MROH2A: variants seen among roughly 807,000 people sequenced by gnomAD.
The protein encoded by MROH2A is maestro heat like repeat family member 2A, also known as maestro heat-like repeat-containing protein family member 2A.
A neutral mutation model predicts 200.4 loss-of-function variants in MROH2A; 174 were observed. The observed-to-expected ratio is 0.87, with a 90% CI of 0.77 to 0.98. The LOEUF (loss-of-function observed/expected upper bound fraction) is 0.98. MROH2A is among the 50% of genes least tolerant of loss of function. The pLI is 0.00. For synonymous variants in MROH2A, 829 were observed against 840.4 expected, an observed-to-expected ratio of 0.99 and a Z score of 0.23; for missense variants, 2,045 against 2,139.6, an observed-to-expected ratio of 0.96 and a Z score of 0.87.
chr2:233,785,658 G>T (rs148157131), intron 3 of MROH2A, among the ~76,000 whole-genome samples: 27 of 152,100 alleles, frequency 1.8e-4, no homozygotes, highest in African/African-American at 6.5e-4. Flanking sequence ...GGGTAAGAAG[G>T]CTTAGAATTA....
chr2:233,786,167 C>T (rs946597930), intron 3 of MROH2A, among the ~76,000 whole-genome samples: 2 of 152,130 alleles, frequency 1.3e-5, no homozygotes, highest in Non-Finnish European at 2.9e-5. Flanking sequence ...ACTGTGTTCC[C>T]CCTTTGTCTC....
At chr2:233,798,996 G>T in intron 12 of MROH2A, 146 bp downstream of exon 12, 1 of 663,312 alleles carries the variant, frequency 1.5e-6, no homozygotes, top group Non-Finnish European at 2.7e-6. Context: ...GAATGGTGAG[G>T]CCAGTGAAAG....
chr2:233,822,693 G>A (rs28946900), intron 33 of MROH2A, 137 bp downstream of exon 33: 15 of 1,135,754 alleles, frequency 1.3e-5, no homozygotes, highest in African/African-American at 6.2e-5. Flanking sequence ...TCAAAATGCC[G>A]TTCTCATGTG....
chr2:233,800,036 T>C (rs1246667823), intron 13 of MROH2A, 137 bp downstream of exon 13: 1 of 1,265,730 alleles, frequency 7.9e-7, no homozygotes, highest in Non-Finnish European at 1.1e-6. Context: ...ATAGACACAG[T>C]GAACCTGCAG....
At chr2:233,822,613 G>A in intron 33 of MROH2A, 57 bp downstream of exon 33, 1 of 1,512,660 alleles carries the variant, frequency 6.6e-7, no homozygotes, top group South Asian at 1.2e-5. Flanking sequence ...GTAGCCACGG[G>A]CTGCCCCTTA....
rs191170442 is a variant in MROH2A, at chr2:233,799,151, T to C, written c.1329+301T>C. On this transcript the variant is annotated intron_variant, in intron 12 of 41. Coordinates refer to ENST00000389758, the MANE Select transcript of MROH2A (RefSeq NM_001394639.1). ...CTTGGCTGTCAAGGGTTTTGTGAGG[T>C]CTTTATCGCATGTGAAAAAAGCAAC... Among the ~76,000 whole-genome samples the C allele has an allele frequency of 2.1e-3, 326 of 152,150 alleles. 2 individuals carry two copies. Among genetic ancestry groups the C allele is most frequent in the Middle Eastern group, 6.8e-3 (2 of 294 alleles).
intron 35 of MROH2A, among the ~76,000 whole-genome samples, chr2:233,825,247 T>C (rs559292392): frequency 1.3e-5 from 2 of 152,330 alleles, no homozygotes; most frequent in Admixed American, 6.5e-5. Context: ...TTTCTAGATA[T>C]AGGATCATGT....
chr2:233,779,711 C>T lies in MROH2A; in HGVS notation c.135C>T (p.Asp45=). The change falls in exon 3 of 42, where the codon GAC becomes GAT. Residue 45 remains aspartate, a synonymous_variant. Coordinates refer to ENST00000389758, the MANE Select transcript of MROH2A (RefSeq NM_001394639.1). ...TCGTGAACCTTCTGGACATCATTGACAGCGAGTCAGCAAAGACGGACACAA... is the reference window on the plus strand; with the variant it reads ...TCGTGAACCTTCTGGACATCATTGATAGCGAGTCAGCAAAGACGGACACAA... ...QQVVNLLDII[D]SESAKTDTTG... 6.4e-7 allele frequency: 1 copy of T among 1,551,204 alleles called. No homozygotes were observed. The highest frequency in any genetic ancestry group is 1.2e-5 in the South Asian group (1 of 84,062).
intron 38 of MROH2A, 29 bp from the exon 39 acceptor site, chr2:233,831,380 G>A: frequency 1.3e-6 from 2 of 1,529,060 alleles, no homozygotes; most frequent in Non-Finnish European, 1.8e-6. Flanking sequence ...CCTGGCTGAT[G>A]GCTCTGCTGC....
intron 14 of MROH2A, among the ~76,000 whole-genome samples, 197 bp from the exon 15 acceptor site, chr2:233,801,971 C>T (rs1702501371): frequency 6.6e-6 from 1 of 152,184 alleles, no homozygotes; most frequent in African/African-American, 2.4e-5. Context: ...TCTCTTGCCA[C>T]ATCAGGGTGG....
At chr2:233,780,374 C>T (rs963860741) in intron 3 of MROH2A, among the ~76,000 whole-genome samples, 1 of 152,190 alleles carries the variant, frequency 6.6e-6, no homozygotes, top group Non-Finnish European at 1.5e-5. Context: ...GTTTCTGATT[C>T]AGTAAGTCTG....
At chr2:233,800,824 A>C (rs976057829) in intron 14 of MROH2A, among the ~76,000 whole-genome samples, 1 of 149,708 alleles carries the variant, frequency 6.7e-6, no homozygotes, top group Non-Finnish European at 1.5e-5. Context: ...TCAACTTTTA[A>C]TTGCAACAAA....
chr2:233,799,920 G>T, intron 13 of MROH2A, 21 bp downstream of exon 13: 1 of 1,550,354 alleles, frequency 6.5e-7, no homozygotes, highest in South Asian at 1.2e-5. Flanking sequence ...CTGATACGCA[G>T]ACCGCAGAGC....
chr2:233,780,855 T>C (rs1353334282), intron 3 of MROH2A, among the ~76,000 whole-genome samples: 1 of 152,182 alleles, frequency 6.6e-6, no homozygotes, highest in Non-Finnish European at 1.5e-5. Context: ...GCTGTAATTT[T>C]GTATCTTTTA....
chr2:233,823,659 G>T lies in MROH2A; in HGVS notation c.4108G>T (p.Val1370Phe), dbSNP rs1445467594. ...GAGCTGCCGCATCAGCAGCACAGCG[G>T]TCTGCGTGGAAATGAGGCACCGGGT... ...VLSCRISSTA[V>F]CFMSGPVLYQ... The change falls in exon 35 of 42, where the codon GTC (valine) becomes TTC (phenylalanine). Residue 1370 changes from valine (V) to phenylalanine (F), a missense_variant. Physicochemically the swap from Val to Phe is conservative, Grantham distance 50. Around this residue, in one of 3 missense-constraint regions of MROH2A, gnomAD observed 1,201 missense variants for 1,311.3 expected, o/e 0.92. Coordinates refer to ENST00000389758, the MANE Select transcript of MROH2A (RefSeq NM_001394639.1). 3 of 1,550,334 alleles carry T rather than the reference G, an allele frequency of 1.9e-6. No individual in the cohort carries two copies.
upstream of MROH2A, among the ~76,000 whole-genome samples, chr2:233,777,318 G>A (rs9784064): frequency 0.073 from 11,131 of 152,174 alleles, 1,106 homozygotes; most frequent in African/African-American, 0.22. Context: ...CACAGTAGGC[G>A]TGCAGTCTGG....
Position 233,807,590 on chromosome 2 carries a change from C to T in MROH2A, c.2172+48C>T, listed in dbSNP as rs779599980. ...CCTGTCCACCAGATGCCTCTGGACC[C>T]TCGGGGACATGTGTGTTCATGTGGC... On this transcript the variant is annotated intron_variant, in intron 20 of 41. Coordinates refer to ENST00000389758, the MANE Select transcript of MROH2A (RefSeq NM_001394639.1). This position sits in a 1 kb window ranked among gnomAD's most constrained non-coding sequence, Gnocchi z 4.3. 3 of 1,547,468 alleles carry T rather than the reference C, an allele frequency of 1.9e-6. No individual in the cohort carries two copies. In the South Asian group the frequency reaches 3.6e-5, roughly 18 times the overall value.
chr2:233,795,217 G>A (rs760911491), intron 8 of MROH2A, among the ~76,000 whole-genome samples: 15 of 152,246 alleles, frequency 9.9e-5, no homozygotes, highest in South Asian at 4.1e-4. Context: ...AGATGGAGCC[G>A]TTGCAGTGTT....
intron 28 of MROH2A, 134 bp downstream of exon 28, chr2:233,818,259 A>G: frequency 9.0e-7 from 1 of 1,116,910 alleles, no homozygotes; most frequent in South Asian, 1.6e-5. Context: ...AACACAGGTG[A>G]CCATCAGAGG....
Sources: allele counts gnomAD v4.1 joint callset (sites outside exome capture counted in the v4.1 genomes callset), GRCh38; gene constraint gnomAD v4.1.1; regional missense constraint gnomAD v4.1.1; non-coding constraint Gnocchi (gnomAD v3.1); transcripts MANE v1.5; gene names NCBI Gene and HGNC (gene_info 2026-07-23, HGNC 2026-07-21).